The following PRKAR1A variants were observed in gnomAD, a reference collection of about 807,000 sequenced individuals.
The protein encoded by PRKAR1A is cAMP-dependent protein kinase type I-alpha regulatory subunit.
Under a neutral mutation model 52.0 loss-of-function variants are expected in PRKAR1A, and 3 were observed. That is an observed-to-expected ratio of 0.06 (90% CI 0.03 to 0.15). The LOEUF is 0.15. Ranked by LOEUF, PRKAR1A falls within the 10% of genes least tolerant of loss-of-function variation. PRKAR1A has a pLI of 1.00. For missense variants in PRKAR1A, 240 were observed against 477.4 expected (o/e 0.50, Z 4.63); for synonymous variants, 188 against 168.4 (o/e 1.12, Z -0.90).
chr17:68,548,024 ATTG>A (rs148889544), intron 11 of PRKAR1A, among the ~76,000 whole-genome samples: 75,731 of 151,614 alleles, frequency 0.5, 19,178 homozygotes, highest in East Asian at 0.74. Context: ...TCATTTCAAT[ATTG>A]TTGTGTCTTA....
intron 2 of PRKAR1A, 67 bp from the exon 3 acceptor site, chr17:68,522,689 T>C: frequency 6.6e-7 from 1 of 1,524,836 alleles, no homozygotes; most frequent in East Asian, 2.3e-5. Context: ...AGACTATCAT[T>C]GGAACATGAG....
chr17:68,458,054 G>A, the PRKAR1A span, among the ~76,000 whole-genome samples: 1 of 152,046 alleles, frequency 6.6e-6, no homozygotes, highest in African/African-American at 2.4e-5. Flanking sequence ...TTAGCAGAGA[G>A]CGTTAGACTC....
At chr17:68,537,604 C>T (rs777416324), downstream of PRKAR1A, 26 of 1,613,456 alleles carry the variant, frequency 1.6e-5, no homozygotes, top group South Asian at 2.1e-4. This position sits in a 1 kb window ranked among gnomAD's most constrained non-coding sequence, Gnocchi z 4.2. Flanking sequence ...TTGGAGCCTT[C>T]GATCCAGGGC....
chr17:68,446,118 A>G, the PRKAR1A span, among the ~76,000 whole-genome samples: 1 of 152,158 alleles, frequency 6.6e-6, no homozygotes, highest in Non-Finnish European at 1.5e-5. Flanking sequence ...AAGACTATCC[A>G]TGGCTCAGAA....
In PRKAR1A at chr17:68,531,534, G is replaced by C; in HGVS notation, c.*1085G>C. On this transcript the variant is annotated 3_prime_UTR_variant, in exon 11 of 11. Coordinates refer to ENST00000589228, the MANE Select transcript of PRKAR1A (RefSeq NM_002734.5). The stretch of plus-strand genomic sequence containing the variant: ...ACATTCACTGGGGCATGAGATTTTG[G>C]AAGAAGTTTTTTACTTTGGTTTAGT... 9.4e-7 allele frequency: 1 copy of C among 1,066,336 alleles called. No individual in the cohort carries two copies. Among genetic ancestry groups the C allele is most frequent in the Middle Eastern group, 4.2e-4 (1 of 2,406 alleles). 66.1% of individuals were successfully genotyped at this position (1,066,336 alleles called of 1,614,324 possible).
chr17:68,534,767 A>G (rs2086057979), downstream of PRKAR1A, among the ~76,000 whole-genome samples: 1 of 152,138 alleles, frequency 6.6e-6, no homozygotes, highest in Admixed American at 6.5e-5. Context: ...ATGTTAATGA[A>G]TCAGTATATA....
At chr17:68,426,315 C>A in the PRKAR1A span, 1 of 693,432 alleles carries the variant, frequency 1.4e-6, no homozygotes, top group Non-Finnish European at 2.5e-6. Context: ...GGTACTGTGC[C>A]TAGGACAAGT....
At chr17:68,509,925 C>T (rs1432305798), upstream of PRKAR1A, among the ~76,000 whole-genome samples, 1 of 152,140 alleles carries the variant, frequency 6.6e-6, no homozygotes, top group African/African-American at 2.4e-5. Context: ...CAGGACTCAG[C>T]AAGGAAGCAG....
At chr17:68,516,516 C>A (rs537387553) in intron 2 of PRKAR1A, among the ~76,000 whole-genome samples, 2 of 151,774 alleles carry the variant, frequency 1.3e-5, no homozygotes, top group East Asian at 1.9e-4. Flanking sequence ...TGAATCATTT[C>A]TTTTGGTATA....
At chr17:68,511,842 G>GGCC (rs1293807888), upstream of PRKAR1A, 1 of 152,088 alleles carries the variant, frequency 6.6e-6, no homozygotes, top group Admixed American at 6.5e-5. Context: ...GATCCGCGGG[G>GGCC]GCCGCCACCT....
the PRKAR1A span, among the ~76,000 whole-genome samples, chr17:68,480,773 C>G: frequency 6.6e-6 from 1 of 152,184 alleles, no homozygotes; most frequent in African/African-American, 2.4e-5. Flanking sequence ...TGGTCTCGAA[C>G]TTCTGGACTC....
At chr17:68,471,172 G>T in the PRKAR1A span, among the ~76,000 whole-genome samples, 1 of 152,158 alleles carries the variant, frequency 6.6e-6, no homozygotes, top group South Asian at 2.1e-4. Flanking sequence ...ATCAGTAGGG[G>T]ACAGGGTGGT....
intron 8 of PRKAR1A, chr17:68,528,528 T>A (rs191947958): frequency 4.2e-4 from 108 of 256,662 alleles, no homozygotes; most frequent in Non-Finnish European, 6.5e-4. Flanking sequence ...ATGGGGAAAC[T>A]ATGACTTTTG....
intron 11 of PRKAR1A, among the ~76,000 whole-genome samples, chr17:68,538,535 T>C (rs2086161836): frequency 6.6e-6 from 1 of 152,220 alleles, no homozygotes; most frequent in Admixed American, 6.5e-5. Flanking sequence ...GCTGAAACAC[T>C]GGAGAAGTGT....
upstream of PRKAR1A, among the ~76,000 whole-genome samples, chr17:68,507,011 A>C (rs1371199416): frequency 6.6e-6 from 1 of 152,190 alleles, no homozygotes; most frequent in Non-Finnish European, 1.5e-5. Context: ...GAGAAAGCCC[A>C]TTGTTTTCAT....
In PRKAR1A at chr17:68,531,652, CTA is replaced by C; in HGVS notation, c.*1205_*1206del. ...TGTTGCTTCAAATTGGTCTGAAAGGCTATCCTGCTGAAAGTCCTGCTTTCCTA... is the reference window on the plus strand; with the variant it reads ...TGTTGCTTCAAATTGGTCTGAAAGGCTCCTGCTGAAAGTCCTGCTTTCCTA... On this transcript the variant is annotated 3_prime_UTR_variant, in exon 11 of 11. Transcript: ENST00000589228. The C allele has an allele frequency of 1.9e-6, 2 of 1,066,280 alleles. No homozygotes were observed. The highest frequency in any genetic ancestry group is 2.3e-6 in the Non-Finnish European group (2 of 879,596). 66.1% of individuals were successfully genotyped at this position (1,066,280 alleles called of 1,614,324 possible).
the PRKAR1A span, chr17:68,426,156 C>T: frequency 6.2e-7 from 1 of 1,611,728 alleles, no homozygotes; most frequent in African/African-American, 1.3e-5. Flanking sequence ...CTCGCAGCGC[C>T]CCGCCGTCCT....
the PRKAR1A span, among the ~76,000 whole-genome samples, chr17:68,429,311 T>C: frequency 3.3e-5 from 5 of 152,250 alleles, no homozygotes; most frequent in South Asian, 1.0e-3. Context: ...CTGTCTTTGC[T>C]GGTTAGTTTT....
At chr17:68,541,305 G>A (rs959914523) in intron 11 of PRKAR1A, 1 of 336,996 alleles carries the variant, frequency 3.0e-6, no homozygotes, top group South Asian at 2.8e-5. Flanking sequence ...TGGACCCTGC[G>A]CCACTCATAG....
Sources: allele counts gnomAD v4.1 joint callset (sites outside exome capture counted in the v4.1 genomes callset), GRCh38; gene constraint gnomAD v4.1.1; non-coding constraint Gnocchi (gnomAD v3.1); transcripts MANE v1.5; gene names NCBI Gene and HGNC (gene_info 2026-07-23, HGNC 2026-07-21).